The following VIPR1 variants were observed in gnomAD, a reference collection of about 807,000 sequenced individuals.
VIPR1 encodes the protein vasoactive intestinal polypeptide receptor 1.
Under a neutral mutation model 58.8 loss-of-function variants are expected in VIPR1, and 59 were observed. The observed-to-expected ratio is 1.00, with a 90% CI of 0.81 to 1.25. VIPR1 has a LOEUF of 1.25. Among genes scored for constraint, VIPR1 ranks in the 50% most tolerant of loss-of-function variants. VIPR1 has a pLI of 0.00. For synonymous variants in VIPR1, 251 were observed against 242.1 expected (o/e 1.04, Z -0.34); for missense variants, 626 against 602.7 (o/e 1.04, Z -0.40).
intron 1 of VIPR1, among the ~76,000 whole-genome samples, chr3:42,493,833 T>A (rs924202371): frequency 6.6e-6 from 1 of 152,226 alleles, no homozygotes; most frequent in African/African-American, 2.4e-5. Flanking sequence ...ACCTGGGCTG[T>A]GCTCTACCTT....
intron 4 of VIPR1, among the ~76,000 whole-genome samples, chr3:42,527,067 C>T (rs1177205646): frequency 6.6e-6 from 1 of 152,114 alleles, no homozygotes; most frequent in Non-Finnish European, 1.5e-5. Context: ...GGAAGCCGGG[C>T]ACATGGCTGG....
chr3:42,499,634 G>A (rs894191119), upstream of VIPR1, among the ~76,000 whole-genome samples: 3 of 152,162 alleles, frequency 2.0e-5, no homozygotes, highest in African/African-American at 4.8e-5. Context: ...AGTAGGAGGC[G>A]ACTATGGCTC....
intron 1 of VIPR1, among the ~76,000 whole-genome samples, chr3:42,504,902 CAAAAAAAAAAAAAA>C (rs56310463): frequency 5.7e-5 from 3 of 52,962 alleles, no homozygotes; most frequent in Admixed American, 4.2e-4. Context: ...AAAAGGGAGG[CAAAAAAAAAAAAAA>C]AAAAAAAAAA....
chr3:42,523,308 A>G (rs1701054704), intron 3 of VIPR1, among the ~76,000 whole-genome samples: 1 of 151,932 alleles, frequency 6.6e-6, no homozygotes, highest in Non-Finnish European at 1.5e-5. Context: ...GGGCTCTTCA[A>G]AGAGACCACC....
rs117674332 is a variant in VIPR1, at chr3:42,489,994, G to C, written c.-245+316G>C. ...CATTTCTTCAGAGCACAGTTCCCGC[G>C]AAGCCCTTCCTCTGATCTGCACCAC... On this transcript the variant is annotated intron_variant, in intron 1 of 13. Coordinates refer to the VIPR1 transcript ENST00000433647. Among the ~76,000 whole-genome samples, 6 of 152,036 alleles carry C rather than the reference G, an allele frequency of 3.9e-5. No individual in the cohort carries two copies. In the East Asian group the frequency reaches 1.2e-3, roughly 30 times the overall value.
rs554486294 is a variant in VIPR1, at chr3:42,504,354, G to A, written c.78+1541G>A. 2.6e-5 allele frequency among the ~76,000 whole-genome samples: 4 copies of A among 152,134 alleles called. No individual in the cohort carries two copies. The South Asian group carries it at 8.3e-4, about 32-fold the overall frequency. Reference sequence around the variant, plus strand: ...ACACTTCCTGAGACAGCCCAAATCTGTCTCCTCCCTCCAATGCCTACCCTC... The same window carrying A: ...ACACTTCCTGAGACAGCCCAAATCTATCTCCTCCCTCCAATGCCTACCCTC... On this transcript the variant is annotated intron_variant, in intron 1 of 12. Coordinates refer to ENST00000325123, the MANE Select transcript of VIPR1 (RefSeq NM_004624.4).
At chr3:42,535,791 G>C (rs186142541) in intron 12 of VIPR1, among the ~76,000 whole-genome samples, 3 of 152,166 alleles carry the variant, frequency 2.0e-5, no homozygotes, top group African/African-American at 7.2e-5. Flanking sequence ...AAGTGAGCTG[G>C]AGACCCAGGA....
chr3:42,500,864 G>A (rs1699854647), upstream of VIPR1, among the ~76,000 whole-genome samples: 3 of 152,176 alleles, frequency 2.0e-5, no homozygotes, highest in South Asian at 6.2e-4. Context: ...CAAATCTAAG[G>A]AAAGGCCTGT....
chr3:42,514,828 A>T (rs1318386629), intron 2 of VIPR1, among the ~76,000 whole-genome samples: 1 of 152,190 alleles, frequency 6.6e-6, no homozygotes, highest in Non-Finnish European at 1.5e-5. Flanking sequence ...AGGACAGATG[A>T]CAGCACCCTC....
chr3:42,502,541 A>T, upstream of VIPR1: 1 of 378,284 alleles, frequency 2.6e-6, no homozygotes, highest in Non-Finnish European at 4.6e-6. Context: ...CCCCGCCTCC[A>T]CCCATCCATT....
chr3:42,536,170 G>A lies in VIPR1; in HGVS notation c.1263G>A (p.Pro421=), dbSNP rs769749170. The A allele has an allele frequency of 2.5e-6, 4 of 1,607,650 alleles. No individual in the cohort carries two copies. The highest frequency in any genetic ancestry group is 2.2e-5 in the South Asian group (2 of 89,742). The change falls in exon 13 of 13, where the codon CCG becomes CCA. Residue 421 remains proline (P), a synonymous_variant. Transcript: ENST00000325123. ...GCTGGAACCCCAAATACCGGCACCC[G>A]TCGGGAGGCAGCAACGGCGCCACGT... ...VLGWNPKYRH[P]SGGSNGATCS...
intron 1 of VIPR1, among the ~76,000 whole-genome samples, chr3:42,503,227 T>G (rs11712896): frequency 0.012 from 1,776 of 152,200 alleles, 21 homozygotes; most frequent in African/African-American, 0.039. Flanking sequence ...TTGTGTGCTG[T>G]GACCGTCTGG....
intron 3 of VIPR1, among the ~76,000 whole-genome samples, chr3:42,525,336 C>T (rs1462350030): frequency 6.6e-6 from 1 of 152,084 alleles, no homozygotes; most frequent in Non-Finnish European, 1.5e-5. Context: ...CTGATTCCCC[C>T]TCACATGCCT....
At position 42,536,300 on chromosome 3, in the gene VIPR1, C is replaced by A; in HGVS notation, c.*19C>A. The A allele has an allele frequency of 6.7e-7, 1 of 1,499,356 alleles. No individual in the cohort carries two copies. Among genetic ancestry groups the A allele is most frequent in the East Asian group, 2.5e-5 (1 of 40,580 alleles). 92.9% of individuals were successfully genotyped at this position (1,499,356 alleles called of 1,614,324 possible). On this transcript the variant is annotated 3_prime_UTR_variant, in exon 13 of 13. Transcript: ENST00000325123. ...GGTCTGACCACCAGGATCCCAGGGG[C>A]CCAAGGCGGCCCCTCCCGCCCCTTC...
At chr3:42,498,164 C>A (rs761897430), upstream of VIPR1, among the ~76,000 whole-genome samples, 24 of 152,214 alleles carry the variant, frequency 1.6e-4, no homozygotes, top group Non-Finnish European at 3.4e-4. Context: ...TTGGATCCAC[C>A]TCTAGAAAGA....
At position 42,502,649 on chromosome 3, in the gene VIPR1, C is replaced by T. The variant is rs543516778; in HGVS notation, c.-87C>T. 19 of 1,067,998 alleles carry T rather than the reference C, an allele frequency of 1.8e-5. No individual in the cohort carries two copies. The South Asian group carries it at 5.5e-4, about 31-fold the overall frequency. 66.2% of individuals were successfully genotyped at this position (1,067,998 alleles called of 1,614,324 possible). A position where few individuals can be genotyped will look rare whatever the true frequency, so the allele number is the denominator to read the frequency against. ...GGGCCACAGCGCCAGCGCCACTCTGCCAGGCTCCCGGCCATCGCCCGCCTG... is the reference window on the plus strand; with the variant it reads ...GGGCCACAGCGCCAGCGCCACTCTGTCAGGCTCCCGGCCATCGCCCGCCTG... On this transcript the variant is annotated 5_prime_UTR_variant, in exon 1 of 13. Coordinates refer to ENST00000325123, the MANE Select transcript of VIPR1 (RefSeq NM_004624.4).
chr3:42,520,278 C>A (rs1449867979), intron 3 of VIPR1, among the ~76,000 whole-genome samples: 2 of 152,192 alleles, frequency 1.3e-5, no homozygotes, highest in Non-Finnish European at 1.5e-5. Flanking sequence ...GAGGCCAGAC[C>A]ATGCAGGGCC....
intron 1 of VIPR1, among the ~76,000 whole-genome samples, chr3:42,491,331 T>C (rs891672908): frequency 2.0e-5 from 3 of 152,232 alleles, no homozygotes; most frequent in Non-Finnish European, 2.9e-5. Context: ...TGGTATTTCT[T>C]AGTGTGAAAA....
chr3:42,490,799 C>G (rs1057293458), intron 1 of VIPR1, among the ~76,000 whole-genome samples: 1 of 151,978 alleles, frequency 6.6e-6, no homozygotes, highest in Non-Finnish European at 1.5e-5. Flanking sequence ...ATGGGAATAC[C>G]GGGGAAGAGC....
Sources: gnomAD v4.1 joint callset for allele counts (sites outside exome capture counted in the v4.1 genomes callset) on GRCh38, gnomAD v4.1.1 for gene constraint, MANE v1.5 for transcripts, NCBI Gene and HGNC (gene_info 2026-07-23, HGNC 2026-07-21) for gene names.